Variants in KLRG1 observed in about 807,000 individuals in gnomAD.
KLRG1 encodes the protein killer cell lectin like receptor G1.
KLRG1 carries 16 observed loss-of-function variants against 21.8 expected under a neutral mutation model. The ratio of observed to expected loss-of-function variants is 0.73; its 90% CI spans 0.50 to 1.11. KLRG1 has a LOEUF of 1.11. Among genes scored for constraint, KLRG1 ranks in the 50% most tolerant of loss-of-function variants. KLRG1 has a pLI of 0.00. For synonymous variants in KLRG1, 69 were observed against 75.9 expected (o/e 0.91, Z 0.47); for missense variants, 173 against 218.3 (o/e 0.79, Z 1.31).
chr12:9,091,986 G>A, the KLRG1 span, among the ~76,000 whole-genome samples: 1,895 of 152,294 alleles, frequency 0.012, 35 homozygotes, highest in African/African-American at 0.041. Flanking sequence ...TTAGCAATGC[G>A]TTTGAAAGAA....
chr12:9,049,623 C>T, the KLRG1 span, among the ~76,000 whole-genome samples: 56 of 152,072 alleles, frequency 3.7e-4, no homozygotes, highest in Admixed American at 3.6e-3. Flanking sequence ...TTATTTTACT[C>T]CTCTCTTCTC....
the KLRG1 span, chr12:9,208,224 G>A: frequency 4.1e-5 from 64 of 1,543,160 alleles, no homozygotes; most frequent in Middle Eastern, 1.7e-4. Context: ...AGACTGAAAC[G>A]CACTCTGGAG....
At chr12:9,214,358 C>T in the KLRG1 span, among the ~76,000 whole-genome samples, 1 of 151,946 alleles carries the variant, frequency 6.6e-6, no homozygotes, top group Admixed American at 6.6e-5. Context: ...TCAGTCTGTC[C>T]TTTCTGTATA....
At chr12:9,200,231 G>A in the KLRG1 span, 190 of 521,832 alleles carry the variant, frequency 3.6e-4, no homozygotes, top group African/African-American at 2.9e-3. Flanking sequence ...ATAGTAAGTC[G>A]TTAAATAAAG....
chr12:8,968,577 T>G, intron 1 of KLRG1, among the ~76,000 whole-genome samples: 1 of 152,168 alleles, frequency 6.6e-6, no homozygotes, highest in Non-Finnish European at 1.5e-5. Flanking sequence ...TCTGTGGTGG[T>G]ATAGGAGCCT....
the KLRG1 span, among the ~76,000 whole-genome samples, chr12:9,201,726 C>T: frequency 5.5e-4 from 83 of 152,148 alleles, no homozygotes; most frequent in African/African-American, 1.8e-3. Flanking sequence ...TTAGACCTAA[C>T]AGAAATAGAA....
At chr12:9,151,485 C>A in the KLRG1 span, 1 of 725,008 alleles carries the variant, frequency 1.4e-6, no homozygotes, top group Admixed American at 2.7e-5. Flanking sequence ...AATAGATAAA[C>A]CTTTCTGGAA....
the KLRG1 span, among the ~76,000 whole-genome samples, chr12:9,059,982 GCCAGCCCTGGC>G: frequency 6.9e-6 from 1 of 144,198 alleles, no homozygotes; most frequent in Admixed American, 6.9e-5. Flanking sequence ...ACTGTGCCCA[GCCAGCCCTGGC>G]ATCTTTTTTT....
the KLRG1 span, among the ~76,000 whole-genome samples, chr12:9,083,107 G>A: frequency 6.6e-6 from 1 of 152,084 alleles, no homozygotes; most frequent in African/African-American, 2.4e-5. Context: ...GGATGAAGCT[G>A]GAAACCATCA....
the KLRG1 span, among the ~76,000 whole-genome samples, chr12:9,084,968 A>G: frequency 6.6e-6 from 1 of 152,176 alleles, no homozygotes; most frequent in African/African-American, 2.4e-5. Context: ...GGGTCAATTC[A>G]TCAAAAGGAT....
chr12:9,139,151 C>T, the KLRG1 span, among the ~76,000 whole-genome samples: 1 of 151,994 alleles, frequency 6.6e-6, no homozygotes, highest in Non-Finnish European at 1.5e-5. Context: ...TATTAAGGCA[C>T]TTTAAATTCC....
the KLRG1 span, among the ~76,000 whole-genome samples, chr12:9,177,997 T>C: frequency 2.6e-5 from 4 of 152,220 alleles, no homozygotes; most frequent in Non-Finnish European, 5.9e-5. Flanking sequence ...TTGTTGTTTC[T>C]TCTAACTAAA....
At chr12:9,115,808 G>A in the KLRG1 span, 2 of 1,613,510 alleles carry the variant, frequency 1.2e-6, no homozygotes, top group South Asian at 2.2e-5. Context: ...GGACCAAGAG[G>A]AGAAGAACCA....
intron 1 of KLRG1, among the ~76,000 whole-genome samples, chr12:8,972,737 G>A (rs1214889828): frequency 6.6e-6 from 1 of 152,080 alleles, no homozygotes; most frequent in African/African-American, 2.4e-5. Flanking sequence ...CTTGAAATCA[G>A]GAAGTGTGAT....
chr12:9,183,036 C>G, the KLRG1 span, among the ~76,000 whole-genome samples: 4 of 152,052 alleles, frequency 2.6e-5, no homozygotes, highest in Non-Finnish European at 5.9e-5. Flanking sequence ...CAGAGTCTCT[C>G]GACATTGTTG....
At chr12:9,039,801 A>G in the KLRG1 span, among the ~76,000 whole-genome samples, 4 of 152,244 alleles carry the variant, frequency 2.6e-5, no homozygotes, top group Non-Finnish European at 4.4e-5. Context: ...CATTCTTTTG[A>G]TAATACTCAG....
At chr12:9,091,090 G>C in the KLRG1 span, 3 of 1,292,596 alleles carry the variant, frequency 2.3e-6, no homozygotes, top group Admixed American at 4.8e-5. Flanking sequence ...TTACAATCAT[G>C]AATATCTAGT....
chr12:9,202,629 C>T, the KLRG1 span: 1 of 1,613,984 alleles, frequency 6.2e-7, no homozygotes, highest in Non-Finnish European at 8.5e-7. Context: ...TTGCGTAGGC[C>T]CCTTTATCTG....
the KLRG1 span, among the ~76,000 whole-genome samples, chr12:9,106,024 C>T: frequency 4.6e-5 from 7 of 152,164 alleles, no homozygotes; most frequent in Admixed American, 2.6e-4. Context: ...AGGATAATTA[C>T]ATACATTTCA....
Sources: gnomAD v4.1 joint callset for allele counts (sites outside exome capture counted in the v4.1 genomes callset) on GRCh38, gnomAD v4.1.1 for gene constraint, MANE v1.5 for transcripts, NCBI Gene and HGNC (gene_info 2026-07-23, HGNC 2026-07-21) for gene names.